The following SLC1A2 variants were observed in gnomAD, a reference collection of about 807,000 sequenced individuals.
SLC1A2 encodes solute carrier family 1 member 2.
SLC1A2 carries 15 observed loss-of-function variants against 48.8 expected under a neutral mutation model. The observed-to-expected ratio is 0.31, with a 90% CI of 0.21 to 0.47. SLC1A2 has a LOEUF of 0.47. SLC1A2 is among the 20% of genes least tolerant of loss of function. The probability of loss-of-function intolerance (pLI) is 0.99; values close to 1 mark genes in which losing one functional copy is unlikely to be tolerated. For missense variants in SLC1A2, 502 were observed against 730.5 expected, an observed-to-expected ratio of 0.69 and a Z score of 3.61; for synonymous variants, 279 against 272.6, an observed-to-expected ratio of 1.02 and a Z score of -0.23.
In SLC1A2 at chr11:35,314,206, C is replaced by T. The variant is rs552717626; in HGVS notation, c.310+817G>A. Among the ~76,000 whole-genome samples, 8 of 152,272 alleles carry T rather than the reference C, an allele frequency of 5.3e-5. No homozygotes were observed. The South Asian group carries it at 1.5e-3, about 28-fold the overall frequency. On this transcript the variant is annotated intron_variant, in intron 3 of 10. Coordinates refer to ENST00000278379, the MANE Select transcript of SLC1A2 (RefSeq NM_004171.4). The stretch of plus-strand genomic sequence containing the variant: ...TGTTAACAAATCATACATTGGCCAA[C>T]TTGGTGGTAGTGAAAAATAAGTGAA...
chr11:35,350,133 G>A (rs931742451), intron 1 of SLC1A2, among the ~76,000 whole-genome samples: 1 of 152,198 alleles, frequency 6.6e-6, no homozygotes, highest in Non-Finnish European at 1.5e-5. Context: ...CTGCTAAGAT[G>A]TGCCAGGAAA....
intron 1 of SLC1A2, chr11:35,374,386 C>A: frequency 1.5e-6 from 1 of 685,252 alleles, no homozygotes; most frequent in Non-Finnish European, 2.5e-6. Flanking sequence ...AGAGACCTGG[C>A]CTCCCTAGAT....
At chr11:35,265,189 C>T (rs1381294932) in intron 10 of SLC1A2, 4 of 357,746 alleles carry the variant, frequency 1.1e-5, no homozygotes, top group East Asian at 4.8e-5. Context: ...GTGATCTGCC[C>T]GCCTCGGCCT....
chr11:35,306,772 A>G (rs527653888), intron 4 of SLC1A2, among the ~76,000 whole-genome samples: 2 of 152,294 alleles, frequency 1.3e-5, no homozygotes, highest in South Asian at 2.1e-4. Context: ...CCACATATAA[A>G]TGAGAAATGC....
chr11:35,275,654 G>GGCTGGCTGGTCTCCA (rs1156416762), intron 9 of SLC1A2, among the ~76,000 whole-genome samples: 3 of 152,190 alleles, frequency 2.0e-5, no homozygotes, highest in Non-Finnish European at 2.9e-5. Flanking sequence ...GCAGTAATGA[G>GGCTGGCTGGTCTCCA]GCTGGCTGGT....
intron 1 of SLC1A2, among the ~76,000 whole-genome samples, chr11:35,329,085 C>G (rs2134974619): frequency 6.6e-6 from 1 of 152,234 alleles, no homozygotes; most frequent in South Asian, 2.1e-4. Flanking sequence ...AATGAACTAT[C>G]TATCCAAAAA....
Position 35,416,929 on chromosome 11 carries a change from T to TC in SLC1A2, c.17+2020dup, listed in dbSNP as rs1397444182. The stretch of plus-strand genomic sequence containing the variant: ...AGGCAAATCCCAGACTATTTCTGTA[T>TC]CCCCCCAACTCGGAGTTCCTCACAT... On this transcript the variant is annotated intron_variant, in intron 1 of 10. Transcript: ENST00000278379. Among the ~76,000 whole-genome samples, 4 of 152,192 alleles carry TC rather than the reference T, an allele frequency of 2.6e-5. No homozygotes were observed. In the East Asian group the frequency reaches 7.7e-4, roughly 29 times the overall value.
At position 35,357,386 on chromosome 11, in the gene SLC1A2, T is replaced by C. The variant is rs746660480; in HGVS notation, c.18-39870A>G. 1.4e-4 allele frequency among the ~76,000 whole-genome samples: 21 copies of C among 152,144 alleles called. 1 individual carries two copies. The Middle Eastern group carries it at 9.6e-3, about 69-fold the overall frequency. On this transcript the variant is annotated intron_variant, in intron 1 of 10. Coordinates refer to ENST00000278379, the MANE Select transcript of SLC1A2 (RefSeq NM_004171.4). The stretch of plus-strand genomic sequence containing the variant: ...AGGAGTGGGGCTTTGTGCAAACAAG[T>C]ACATTCGGACAACATGAGAGCAGTA...
chr11:35,300,870 T>C (rs746990418), intron 6 of SLC1A2, among the ~76,000 whole-genome samples: 6 of 151,998 alleles, frequency 3.9e-5, no homozygotes, highest in Non-Finnish European at 7.4e-5. Context: ...TTTTCAAAAA[T>C]TAGCTGGGCA....
chr11:35,297,502 G>T (rs886535024), intron 6 of SLC1A2, among the ~76,000 whole-genome samples: 8 of 152,128 alleles, frequency 5.3e-5, no homozygotes, highest in African/African-American at 1.9e-4. Context: ...TCATTGAATA[G>T]TTTTTTATTT....
At chr11:35,326,731 AGAT>A (rs551311002) in intron 1 of SLC1A2, among the ~76,000 whole-genome samples, 86 of 152,322 alleles carry the variant, frequency 5.6e-4, no homozygotes, top group African/African-American at 2.0e-3. Context: ...TTCTTTTGTG[AGAT>A]GATGTTTAAG....
intron 10 of SLC1A2, chr11:35,265,246 T>C (rs922526274): frequency 2.0e-6 from 1 of 500,456 alleles, no homozygotes; most frequent in African/African-American, 2.0e-5. Flanking sequence ...ACTGGTCAAA[T>C]TAGTTAAATG....
At chr11:35,387,297 G>A (rs1187172594) in intron 1 of SLC1A2, among the ~76,000 whole-genome samples, 1 of 152,128 alleles carries the variant, frequency 6.6e-6, no homozygotes, top group Non-Finnish European at 1.5e-5. Context: ...ACTCAGAGAG[G>A]GGCCCAGCTT....
At chr11:35,306,269 A>T in intron 4 of SLC1A2, 27 bp from the exon 5 acceptor site, 1 of 1,593,714 alleles carries the variant, frequency 6.3e-7, no homozygotes. Flanking sequence ...AAAAAGGCAT[A>T]GAGCTGAGAT....
intron 9 of SLC1A2, among the ~76,000 whole-genome samples, chr11:35,278,273 GTTTTT>G (rs35889672): frequency 1.1e-5 from 1 of 88,658 alleles, no homozygotes; most frequent in Non-Finnish European, 2.3e-5. Flanking sequence ...GTTTTTTTTT[GTTTTT>G]TTTTTTTTTT....
chr11:35,329,558 C>G (rs1341989761), intron 1 of SLC1A2, among the ~76,000 whole-genome samples: 4 of 152,130 alleles, frequency 2.6e-5, no homozygotes. Context: ...TAAAAACAAA[C>G]AAAACAAAGC....
chr11:35,377,273 C>T (rs944390662), intron 1 of SLC1A2, among the ~76,000 whole-genome samples: 1 of 152,182 alleles, frequency 6.6e-6, no homozygotes, highest in Non-Finnish European at 1.5e-5. Flanking sequence ...ATGGAAACCA[C>T]GTGTCTCAAG....
chr11:35,348,378 A>C (rs1278949549), intron 1 of SLC1A2, among the ~76,000 whole-genome samples: 1 of 152,198 alleles, frequency 6.6e-6, no homozygotes, highest in African/African-American at 2.4e-5. Context: ...TTGATGAGCA[A>C]ACCTAATAAT....
intron 8 of SLC1A2, among the ~76,000 whole-genome samples, chr11:35,282,292 G>A (rs1323862209): frequency 6.6e-6 from 1 of 152,118 alleles, no homozygotes; most frequent in Non-Finnish European, 1.5e-5. Context: ...GGAGTGCTCA[G>A]CCGTGAAAGT....
Sources: allele counts gnomAD v4.1 joint callset (sites outside exome capture counted in the v4.1 genomes callset), GRCh38; gene constraint gnomAD v4.1.1; transcripts MANE v1.5; gene names NCBI Gene and HGNC (gene_info 2026-07-23, HGNC 2026-07-21).